The following DPP10 variants were observed in gnomAD, a reference collection of about 807,000 sequenced individuals.
DPP10 encodes the protein dipeptidyl peptidase like 10, also known as inactive dipeptidyl peptidase 10.
Under a neutral mutation model 120.9 loss-of-function variants are expected in DPP10, and 33 were observed. The ratio of observed to expected loss-of-function variants is 0.27; its 90% CI spans 0.21 to 0.37. The LOEUF (loss-of-function observed/expected upper bound fraction) is 0.37, where lower values mean the gene tolerates loss of function less well. DPP10 is among the 10% of genes least tolerant of loss of function. DPP10 has a pLI of 1.00. For synonymous variants in DPP10, 337 were observed against 326.1 expected (o/e 1.03, Z -0.36); for missense variants, 816 against 942.8 (o/e 0.87, Z 1.76).
chr2:115,350,915 GTGTTGC>G (rs1259846453), intron 3 of DPP10, among the ~76,000 whole-genome samples: 4 of 152,026 alleles, frequency 2.6e-5, no homozygotes, highest in Non-Finnish European at 4.4e-5. Flanking sequence ...TGCCTATATG[GTGTTGC>G]TGGAAATGTA....
intron 1 of DPP10, among the ~76,000 whole-genome samples, chr2:114,979,229 G>A (rs1483886816): frequency 1.3e-5 from 2 of 151,558 alleles, no homozygotes; most frequent in African/African-American, 2.4e-5. Flanking sequence ...AGGCTCATTG[G>A]GGAAAGAGAA....
chr2:114,648,223 C>G (rs181239472), intron 1 of DPP10, among the ~76,000 whole-genome samples: 126 of 152,324 alleles, frequency 8.3e-4, no homozygotes, highest in African/African-American at 2.8e-3. Context: ...ACAGAAAGCT[C>G]ATGCTGCCTC....
chr2:115,001,627 C>G (rs1701444700), intron 1 of DPP10, among the ~76,000 whole-genome samples: 1 of 152,134 alleles, frequency 6.6e-6, no homozygotes, highest in Admixed American at 6.6e-5. Context: ...AGACATGATT[C>G]TATAGCTAGG....
chr2:114,860,844 G>T (rs72832431), intron 1 of DPP10, among the ~76,000 whole-genome samples: 30,995 of 152,116 alleles, frequency 0.2, 3,467 homozygotes, highest in Admixed American at 0.26. Flanking sequence ...TTAATAAAAA[G>T]AATCCCTCTA....
intron 2 of DPP10, among the ~76,000 whole-genome samples, chr2:115,331,106 C>G (rs2062701462): frequency 6.6e-6 from 1 of 152,076 alleles, no homozygotes; most frequent in Non-Finnish European, 1.5e-5. Context: ...TTTCGTTGAG[C>G]AGTGGTTTGT....
chr2:115,607,793 G>T (rs2083799070), intron 5 of DPP10, among the ~76,000 whole-genome samples: 1 of 152,072 alleles, frequency 6.6e-6, no homozygotes, highest in African/African-American at 2.4e-5. Context: ...ATTTGGTGGG[G>T]TAATGTAAAG....
In DPP10 at chr2:114,779,952, T is replaced by C. The variant is rs560398147; in HGVS notation, c.60+337114T>C. ...GAGATCGAGACCATCCTGGCTAACA[T>C]GGTGAAACCCCATCTCTACTAAAAA... On this transcript the variant is annotated intron_variant, in intron 1 of 25. Transcript: ENST00000410059. Among the ~76,000 whole-genome samples the C allele has an allele frequency of 1.0e-3, 154 of 152,040 alleles. 2 individuals are homozygous for C. In the Middle Eastern group the frequency reaches 0.024, roughly 24 times the overall value.
At chr2:114,869,779 A>G (rs888074878) in intron 1 of DPP10, among the ~76,000 whole-genome samples, 1 of 152,170 alleles carries the variant, frequency 6.6e-6, no homozygotes, top group Non-Finnish European at 1.5e-5. Context: ...TCACACAGAG[A>G]ACTGCCTAGT....
At chr2:114,508,369 C>A (rs62173076) in intron 1 of DPP10, among the ~76,000 whole-genome samples, 3,556 of 152,146 alleles carry the variant, frequency 0.023, 76 homozygotes, top group Non-Finnish European at 0.027. Context: ...TTTTTACATT[C>A]GATTTCTTTC....
At chr2:114,743,464 G>A (rs935526705) in intron 1 of DPP10, among the ~76,000 whole-genome samples, 3 of 151,076 alleles carry the variant, frequency 2.0e-5, no homozygotes, top group South Asian at 2.1e-4. Context: ...TATGGATAAA[G>A]GCAGGTAAAA....
At chr2:115,221,983 C>T (rs1456078266) in intron 1 of DPP10, among the ~76,000 whole-genome samples, 1 of 152,000 alleles carries the variant, frequency 6.6e-6, no homozygotes, top group African/African-American at 2.4e-5. Flanking sequence ...GTTACTTAAA[C>T]TCTAGGATTT....
intron 1 of DPP10, among the ~76,000 whole-genome samples, chr2:114,680,098 C>T (rs1388703172): frequency 6.6e-6 from 1 of 151,920 alleles, no homozygotes; most frequent in East Asian, 1.9e-4. Flanking sequence ...TCTCTTGAGG[C>T]TTATCTATTT....
At chr2:114,801,119 C>T (rs545938626) in intron 1 of DPP10, among the ~76,000 whole-genome samples, 128 of 151,412 alleles carry the variant, frequency 8.5e-4, no homozygotes, top group African/African-American at 2.9e-3. Context: ...AAAAATTAGC[C>T]GGGTGTGGTG....
At chr2:115,364,196 C>T (rs1173468682) in intron 3 of DPP10, among the ~76,000 whole-genome samples, 2 of 151,534 alleles carry the variant, frequency 1.3e-5, no homozygotes, top group Non-Finnish European at 2.9e-5. Context: ...CCTGTATTTC[C>T]TCTCCTTTCT....
In DPP10 at chr2:114,880,729, A is replaced by T. The variant is rs1436670500; in HGVS notation, c.61-428510A>T. On this transcript the variant is annotated intron_variant, in intron 1 of 25. Coordinates refer to ENST00000410059, the MANE Select transcript of DPP10 (RefSeq NM_020868.6). ...ATACAAAATGTGCCAAGTTTTTCAA[A>T]CGGATTCAAAAAATTATCAAGTACA... 2.0e-5 allele frequency among the ~76,000 whole-genome samples: 3 copies of T among 152,296 alleles called. No individual in the cohort carries two copies. The East Asian group carries it at 5.8e-4, about 29-fold the overall frequency.
Position 115,469,696 on chromosome 2 carries a change from C to T in DPP10, c.272-29814C>T, listed in dbSNP as rs150137633. On this transcript the variant is annotated intron_variant, in intron 3 of 25. Transcript: ENST00000410059. ...GGTGGATCACCTGAGAGCGGGAGCT[C>T]GAGACCAGCCTGACCAACGTGGAGA... Among the ~76,000 whole-genome samples the T allele has an allele frequency of 8.3e-3, 1,264 of 152,010 alleles. 17 individuals are homozygous for T. Among genetic ancestry groups the T allele is most frequent in the African/African-American group, 0.029 (1,223 of 41,464 alleles).
At chr2:115,622,829 C>CTTTT (rs765780452) in intron 5 of DPP10, among the ~76,000 whole-genome samples, 13 of 128,322 alleles carry the variant, frequency 1.0e-4, no homozygotes, top group South Asian at 2.6e-4. Context: ...TTCGTTTATT[C>CTTTT]TTTTTTTTTT....
At chr2:115,106,925 A>C (rs1441600283) in intron 1 of DPP10, among the ~76,000 whole-genome samples, 1 of 151,816 alleles carries the variant, frequency 6.6e-6, no homozygotes, top group Non-Finnish European at 1.5e-5. Context: ...AATACAAAAA[A>C]TTAGCCAGGC....
At chr2:114,496,724 C>T (rs1682549066) in intron 1 of DPP10, among the ~76,000 whole-genome samples, 1 of 151,910 alleles carries the variant, frequency 6.6e-6, no homozygotes, top group Non-Finnish European at 1.5e-5. Flanking sequence ...GGGTACTTTG[C>T]CACCACTTCA....
Sources: allele counts gnomAD v4.1 joint callset (sites outside exome capture counted in the v4.1 genomes callset), GRCh38; gene constraint gnomAD v4.1.1; transcripts MANE v1.5; gene names NCBI Gene and HGNC (gene_info 2026-07-23, HGNC 2026-07-21).